The following GRIK2 variants were observed in gnomAD, a reference collection of about 807,000 sequenced individuals.
The protein encoded by GRIK2 is glutamate receptor ionotropic, kainate 2.
Under a neutral mutation model 100.3 loss-of-function variants are expected in GRIK2, and 32 were observed. The ratio of observed to expected loss-of-function variants is 0.32; its 90% CI spans 0.24 to 0.43. GRIK2 has a LOEUF of 0.43. Ranked by LOEUF, GRIK2 falls within the 20% of genes least tolerant of loss-of-function variation. The probability of loss-of-function intolerance (pLI) is 1.00; values close to 1 mark genes in which losing one functional copy is unlikely to be tolerated. For synonymous variants in GRIK2, 417 were observed against 389.4 expected, an observed-to-expected ratio of 1.07 and a Z score of -0.83; for missense variants, 843 against 1,114.9, an observed-to-expected ratio of 0.76 and a Z score of 3.47.
chr6:101,674,269 G>T (rs139349328), intron 4 of GRIK2, among the ~76,000 whole-genome samples: 2 of 152,124 alleles, frequency 1.3e-5, no homozygotes, highest in Non-Finnish European at 1.5e-5. Context: ...GTTAAAATAT[G>T]CATGCATGAG....
chr6:101,425,065 T>C lies in GRIK2; in HGVS notation c.115+25673T>C, dbSNP rs182305419. On this transcript the variant is annotated intron_variant, in intron 2 of 16. Transcript: ENST00000369134. ...CACATTTTCTTCATCCAGTCTATCA[T>C]TGTTGGACATGTGGGTTGGTTCCAA... Among the ~76,000 whole-genome samples, 578 of 152,224 alleles carry C rather than the reference T, an allele frequency of 3.8e-3. 4 individuals carry two copies. Among genetic ancestry groups the C allele is most frequent in the Non-Finnish European group, 6.1e-3 (412 of 67,998 alleles).
At chr6:101,464,664 T>C (rs1322954092) in intron 2 of GRIK2, among the ~76,000 whole-genome samples, 3 of 151,172 alleles carry the variant, frequency 2.0e-5, no homozygotes, top group South Asian at 2.1e-4. Context: ...CTACAGGCAC[T>C]CGCCACCATG....
At chr6:101,812,514 A>C (rs1319911600) in intron 9 of GRIK2, among the ~76,000 whole-genome samples, 1 of 143,666 alleles carries the variant, frequency 7.0e-6, no homozygotes, top group Non-Finnish European at 1.5e-5. Context: ...ATTTATGTTC[A>C]ATAAATAAAA....
At chr6:102,010,630 C>T (rs1044240023) in intron 14 of GRIK2, among the ~76,000 whole-genome samples, 2 of 151,774 alleles carry the variant, frequency 1.3e-5, no homozygotes, top group African/African-American at 4.8e-5. Context: ...CATGATTCTC[C>T]CCTCTGCCTC....
At chr6:101,447,782 G>A (rs562466340) in intron 2 of GRIK2, among the ~76,000 whole-genome samples, 3 of 151,410 alleles carry the variant, frequency 2.0e-5, no homozygotes, top group Non-Finnish European at 4.4e-5. Context: ...CCCTAAATCC[G>A]TAAATTGACA....
chr6:101,395,870 G>C (rs968010081), intron 1 of GRIK2, among the ~76,000 whole-genome samples: 1 of 152,016 alleles, frequency 6.6e-6, no homozygotes, highest in Non-Finnish European at 1.5e-5. Flanking sequence ...TTTGACCTTG[G>C]AATCTACAGA....
intron 2 of GRIK2, among the ~76,000 whole-genome samples, chr6:101,499,477 G>A (rs1773636446): frequency 6.6e-6 from 1 of 151,906 alleles, no homozygotes; most frequent in Non-Finnish European, 1.5e-5. Flanking sequence ...GACTATATTG[G>A]TTTATAAAAG....
rs57855868 is a variant in GRIK2 at position 102,013,889 on chromosome 6, C to CT, written c.2086-21444dup. 4.0e-5 allele frequency among the ~76,000 whole-genome samples: 6 copies of CT among 151,720 alleles called. No homozygotes were observed. In the East Asian group the frequency reaches 1.2e-3, roughly 30 times the overall value. ...ATCAAGGATATTGTCCTAAAGTTTT[C>CT]TTTTTTTTGTTGTACCTCTGCCAGG... On this transcript the variant is annotated intron_variant, in intron 14 of 16. Transcript: ENST00000369134.
At position 101,946,623 on chromosome 6, in the gene GRIK2, A is replaced by G. The variant is rs568488141; in HGVS notation, c.2085+17991A>G. On this transcript the variant is annotated intron_variant, in intron 14 of 16. Transcript: ENST00000369134. The stretch of plus-strand genomic sequence containing the variant: ...TATCTAATCATTGAATTAAAGGAAT[A>G]TGACAGTGTCTTCATCGAAGCCATG... Among the ~76,000 whole-genome samples the G allele has an allele frequency of 2.2e-3, 331 of 152,320 alleles. 1 individual carries two copies. The highest frequency in any genetic ancestry group is 2.5e-3 in the Non-Finnish European group (167 of 68,020).
At chr6:101,559,561 C>A (rs1776905686) in intron 2 of GRIK2, among the ~76,000 whole-genome samples, 1 of 152,092 alleles carries the variant, frequency 6.6e-6, no homozygotes, top group South Asian at 2.1e-4. Context: ...ATCTAAAAGA[C>A]AGGGACTTCA....
chr6:101,397,200 A>C (rs921219382), intron 1 of GRIK2, among the ~76,000 whole-genome samples: 1 of 152,194 alleles, frequency 6.6e-6, no homozygotes, highest in East Asian at 1.9e-4. Context: ...TGCTATTTTC[A>C]GGTAGTAGAT....
At chr6:101,405,778 T>A (rs1012374770) in intron 2 of GRIK2, among the ~76,000 whole-genome samples, 1 of 152,114 alleles carries the variant, frequency 6.6e-6, no homozygotes, top group Non-Finnish European at 1.5e-5. Flanking sequence ...CAGTCACATA[T>A]GAGATTATTC....
chr6:101,522,090 T>C (rs1774907972), intron 2 of GRIK2, among the ~76,000 whole-genome samples: 1 of 152,154 alleles, frequency 6.6e-6, no homozygotes, highest in South Asian at 2.1e-4. Flanking sequence ...TTAGCAGTTA[T>C]CAAAATTTTA....
chr6:101,422,197 G>A (rs958643763), intron 2 of GRIK2, among the ~76,000 whole-genome samples: 4 of 152,004 alleles, frequency 2.6e-5, no homozygotes, highest in African/African-American at 4.8e-5. Context: ...TCACATAATC[G>A]GCACAGGTTT....
intron 11 of GRIK2, among the ~76,000 whole-genome samples, chr6:101,865,416 A>G (rs1784987767): frequency 6.6e-6 from 1 of 152,182 alleles, no homozygotes; most frequent in African/African-American, 2.4e-5. Flanking sequence ...AGGAAATCAA[A>G]TATTTGTTTT....
At chr6:101,894,651 CCCCTTA>C (rs1787324151) in intron 12 of GRIK2, among the ~76,000 whole-genome samples, 1 of 151,454 alleles carries the variant, frequency 6.6e-6, no homozygotes, top group Non-Finnish European at 1.5e-5. Context: ...AGGGCACCCA[CCCCTTA>C]CATTAATAAT....
chr6:101,877,510 T>C (rs993466369), intron 11 of GRIK2, among the ~76,000 whole-genome samples: 1 of 151,960 alleles, frequency 6.6e-6, no homozygotes, highest in African/African-American at 2.4e-5. Context: ...TGAGCACCGA[T>C]GAATTTTGGT....
chr6:101,580,676 G>A (rs537396551), intron 2 of GRIK2, among the ~76,000 whole-genome samples: 32 of 152,038 alleles, frequency 2.1e-4, no homozygotes, highest in African/African-American at 6.8e-4. Flanking sequence ...CTTCCCACCC[G>A]AACCTCTCTG....
chr6:101,468,055 G>A (rs545514078), intron 2 of GRIK2, among the ~76,000 whole-genome samples: 14 of 152,146 alleles, frequency 9.2e-5, no homozygotes, highest in African/African-American at 3.4e-4. Context: ...CCAGAAAGTA[G>A]GAGCTATGGA....
Sources: allele counts gnomAD v4.1 joint callset (sites outside exome capture counted in the v4.1 genomes callset), GRCh38; gene constraint gnomAD v4.1.1; transcripts MANE v1.5; gene names NCBI Gene and HGNC (gene_info 2026-07-23, HGNC 2026-07-21).